Variants in KLK10 observed in about 807,000 individuals in gnomAD.
KLK10 encodes kallikrein related peptidase 10.
KLK10 carries 27 observed loss-of-function variants against 25.7 expected under a neutral mutation model. That is an observed-to-expected ratio of 1.05 (90% CI 0.77 to 1.45). The LOEUF (loss-of-function observed/expected upper bound fraction) is 1.45. KLK10 is among the 40% of genes most tolerant of loss of function. The pLI, the probability that KLK10 is intolerant of heterozygous loss-of-function variation, is 0.00. For missense variants in KLK10, 386 were observed against 370.0 expected, an observed-to-expected ratio of 1.04 and a Z score of -0.35; for synonymous variants, 173 against 160.1, an observed-to-expected ratio of 1.08 and a Z score of -0.61.
chr19:51,017,708 G>T (rs2122457268), intron 2 of KLK10, among the ~76,000 whole-genome samples: 1 of 151,982 alleles, frequency 6.6e-6, no homozygotes, highest in South Asian at 2.1e-4. Flanking sequence ...GAGGGGTGGG[G>T]CGCAGTGGTT....
chr19:51,013,089 T>C lies in KLK10; in HGVS notation c.*1711A>G, dbSNP rs2739430. 0.63 allele frequency: 95,805 copies of C among 151,978 alleles called. 31,195 individuals are homozygous for C. The highest frequency in any genetic ancestry group is 0.8 in the African/African-American group (33,068 of 41,446). 9.4% of individuals were successfully genotyped at this position (151,978 alleles called of 1,614,324 possible). A position where few individuals can be genotyped will look rare whatever the true frequency, so the allele number is the denominator to read the frequency against. ...TTCCACCGACCTCGCTTCTGGTCTT[T>C]GGATGACAAACCCAGCTGATACGCC... On this transcript the variant is annotated 3_prime_UTR_variant, in exon 6 of 6. Coordinates refer to ENST00000358789, the MANE Select transcript of KLK10 (RefSeq NM_145888.3).
intron 2 of KLK10, among the ~76,000 whole-genome samples, chr19:51,018,000 CAAAAAAAAA>C (rs1162503837): frequency 1.4e-4 from 4 of 28,134 alleles, no homozygotes; most frequent in East Asian, 2.3e-3. Context: ...GACCCTGTCT[CAAAAAAAAA>C]AAAAAAAAAA....
intron 3 of KLK10, among the ~76,000 whole-genome samples, 178 bp downstream of exon 3, chr19:51,016,932 A>G (rs541863392): frequency 6.6e-6 from 1 of 152,222 alleles, no homozygotes; most frequent in South Asian, 2.1e-4. Flanking sequence ...AATGCGGAAA[A>G]GGACCACACC....
chr19:51,016,997 G>T (rs540506215), intron 3 of KLK10, 113 bp downstream of exon 3: 51 of 1,095,908 alleles, frequency 4.7e-5, no homozygotes, highest in Non-Finnish European at 2.6e-6. Flanking sequence ...GAAGGACACC[G>T]GGGACCGCAC....
intron 3 of KLK10, among the ~76,000 whole-genome samples, chr19:51,016,562 C>CT (rs549681904): frequency 0.2 from 28,027 of 139,430 alleles, 2,840 homozygotes; most frequent in Non-Finnish European, 0.22. Context: ...CACACCCAGC[C>CT]TTTTTTTTTT....
At chr19:51,018,723 A>G (rs1009995417) in intron 2 of KLK10, 1 of 390,270 alleles carries the variant, frequency 2.6e-6, no homozygotes, top group East Asian at 5.5e-5. Flanking sequence ...AACAAACAAA[A>G]CAAAACACGG....
chr19:51,018,211 G>A (rs374145194), intron 2 of KLK10, among the ~76,000 whole-genome samples: 45 of 92,870 alleles, frequency 4.8e-4, no homozygotes, highest in South Asian at 1.1e-3. Flanking sequence ...GAGAGAGAAA[G>A]AAAAAAACAA....
rs2091288731 is a variant in KLK10, at chr19:51,013,628, T to C, written c.*1172A>G. On this transcript the variant is annotated 3_prime_UTR_variant, in exon 6 of 6. Coordinates refer to ENST00000358789, the MANE Select transcript of KLK10 (RefSeq NM_145888.3). ...TCAGTAGAGATGGGATTTCACCATT[T>C]TGGCCAGACTGGTCTCGAACACCTG... 1 of 153,650 alleles carries C rather than the reference T, an allele frequency of 6.5e-6. No homozygotes were observed. Among genetic ancestry groups the C allele is most frequent in the African/African-American group, 2.4e-5 (1 of 41,438 alleles). The allele number at this position is 153,650 out of a possible 1,614,324, so 9.5% of individuals were successfully genotyped here. A position where few individuals can be genotyped will look rare whatever the true frequency, so the allele number is the denominator to read the frequency against.
rs1365999481 is a variant in KLK10, at chr19:51,019,478, G to A, written c.-10+149C>T. ...GATCCGAGGCTCGGAGCCAGTGGGA[G>A]CCTCTTTCTCAACCTCACAGCGGGG... On this transcript the variant is annotated intron_variant, in intron 1 of 5. Transcript: ENST00000358789. This position sits in a 1 kb window ranked among gnomAD's most constrained non-coding sequence, Gnocchi z 4.2. 1.2e-4 allele frequency: 25 copies of A among 214,592 alleles called. No individual in the cohort carries two copies. The South Asian group carries it at 3.3e-3, about 28-fold the overall frequency. The allele number at this position is 214,592 out of a possible 1,614,324, so 13.3% of individuals were successfully genotyped here.
chr19:51,015,929 C>T lies in KLK10; in HGVS notation c.497G>A (p.Gly166Glu), dbSNP rs755252868. 1.5e-5 allele frequency: 24 copies of T among 1,588,248 alleles called. No individual in the cohort carries two copies. In the Admixed American group the frequency reaches 3.9e-4, roughly 26 times the overall value. The change falls in exon 4 of 6, where the codon GGA becomes GAA. Residue 166 changes from glycine to glutamate, a missense_variant. Transcript: ENST00000358789. The part of the protein sequence containing the change: ...LQLPYRCAQP[G>E]DQCQVAGWGT... ...CCAGCCAGCAACCTGGCACTGGTCT[C>T]CGGGCTGAGCACAGCGGTAGGGAAG...
chr19:51,015,459 G>T lies in KLK10; in HGVS notation c.636C>A (p.Asn212Lys), dbSNP rs752350630. 5 of 1,613,728 alleles carry T rather than the reference G, an allele frequency of 3.1e-6. No individual in the cohort carries two copies. In the South Asian group the frequency reaches 5.5e-5, roughly 18 times the overall value. ...EVFYPGVVTNNMICAGLDRGQ... is the reference protein window; with the variant it reads ...EVFYPGVVTNKMICAGLDRGQ... ...CCCGGTCCAGTCCAGCACATATCATGTTGTTGGTGACCACGCCAGGGTAGA... is the reference window on the plus strand; with the variant it reads ...CCCGGTCCAGTCCAGCACATATCATTTTGTTGGTGACCACGCCAGGGTAGA... Residue 212 changes from asparagine to lysine, a missense_variant, in exon 5 of 6, where the codon AAC becomes AAA. By Grantham distance (94) the Asn-to-Lys change is moderately conservative (BLOSUM62 0). Transcript: ENST00000358789.
At chr19:51,018,982 A>G (rs1363723858) in intron 2 of KLK10, 61 bp downstream of exon 2, 3 of 1,244,180 alleles carry the variant, frequency 2.4e-6, no homozygotes, top group Non-Finnish European at 3.4e-6. Context: ...ACGGGAACAC[A>G]TTCTCCTCCC....
At chr19:51,016,912 CGGG>C (rs961450426) in intron 3 of KLK10, among the ~76,000 whole-genome samples, 195 bp downstream of exon 3, 13 of 152,096 alleles carry the variant, frequency 8.5e-5, no homozygotes, top group Non-Finnish European at 1.9e-4. Flanking sequence ...AGAGGAGTGA[CGGG>C]CCCAGAAATG....
rs747140280 is a variant in KLK10 at position 51,019,042 on chromosome 19, C to T, written c.88+1G>A. On this transcript the variant is annotated splice_donor_variant, in intron 2 of 5. Coordinates refer to ENST00000358789, the MANE Select transcript of KLK10 (RefSeq NM_145888.3). LOFTEE classifies it high-confidence loss of function. The surrounding 1 kb of genome is among the most constrained non-coding windows in gnomAD (Gnocchi z 4.2). ...TCCCCGCCCCCTGCCCCCGACCTTA[C>T]CCCAGAGTTGCGCCATCAGCAGCGG... 5 of 1,592,084 alleles carry T rather than the reference C, an allele frequency of 3.1e-6. No individual in the cohort carries two copies. The highest frequency in any genetic ancestry group is 4.3e-6 in the Non-Finnish European group (5 of 1,170,730).
chr19:51,015,899 G>A lies in KLK10; in HGVS notation c.527C>T (p.Thr176Ile). The change falls in exon 4 of 6, where the codon ACC (threonine) becomes ATC (isoleucine). Residue 176 changes from threonine (T) to isoleucine (I), a missense_variant. Coordinates refer to ENST00000358789, the MANE Select transcript of KLK10 (RefSeq NM_145888.3). ...GCTCTTGCCTCTCCGGGCGGCCGTG[G>A]TGCCCCAGCCAGCAACCTGGCACTG... The part of the protein sequence containing the change: ...GDQCQVAGWG[T>I]TAARRVKYNK... The A allele has an allele frequency of 1.3e-6, 2 of 1,566,034 alleles. No homozygotes were observed. The highest frequency in any genetic ancestry group is 1.7e-6 in the Non-Finnish European group (2 of 1,158,404).
At chr19:51,018,167 A>G (rs1341519173) in intron 2 of KLK10, among the ~76,000 whole-genome samples, 4 of 101,322 alleles carry the variant, frequency 3.9e-5, no homozygotes, top group Non-Finnish European at 6.7e-5. Flanking sequence ...CCTGTCTCAA[A>G]AAAAAAAAAA....
intron 5 of KLK10, 104 bp from the exon 6 acceptor site, chr19:51,015,056 A>C: frequency 1.9e-6 from 2 of 1,038,430 alleles, no homozygotes; most frequent in Non-Finnish European, 2.8e-6. Flanking sequence ...GGTTGGGATA[A>C]AGACGAGGAT....
chr19:51,013,189 C>G lies in KLK10; in HGVS notation c.*1611G>C, dbSNP rs1228723957. On this transcript the variant is annotated 3_prime_UTR_variant, in exon 6 of 6. Transcript: ENST00000358789. ...CACGGAAGGGAGCTGTGTGCTCAGA[C>G]CTTGTACATCAACCTCCTGTGGGCT... 1.3e-5 allele frequency: 2 copies of G among 152,152 alleles called. No homozygotes were observed. The highest frequency in any genetic ancestry group is 2.9e-5 in the Non-Finnish European group (2 of 68,066). The allele number at this position is 152,152 out of a possible 1,614,324, so 9.4% of individuals were successfully genotyped here.
In KLK10 at chr19:51,013,059, C is replaced by T. The variant is rs981103275; in HGVS notation, c.*1741G>A. 13 of 152,130 alleles carry T rather than the reference C, an allele frequency of 8.5e-5. No homozygotes were observed. The highest frequency in any genetic ancestry group is 7.2e-4 in the Admixed American group (11 of 15,262). The allele number at this position is 152,130 out of a possible 1,614,324, so 9.4% of individuals were successfully genotyped here. A position where few individuals can be genotyped will look rare whatever the true frequency, so the allele number is the denominator to read the frequency against. On this transcript the variant is annotated 3_prime_UTR_variant, in exon 6 of 6. Coordinates refer to ENST00000358789, the MANE Select transcript of KLK10 (RefSeq NM_145888.3). ...TGCCTTTAATAATGAATCGAGTTTT[C>T]AAGTTTCCACCGACCTCGCTTCTGG...
Sources: gnomAD v4.1 joint callset for allele counts (sites outside exome capture counted in the v4.1 genomes callset) on GRCh38, gnomAD v4.1.1 for gene constraint, Gnocchi (gnomAD v3.1) non-coding constraint, MANE v1.5 for transcripts, NCBI Gene and HGNC (gene_info 2026-07-23, HGNC 2026-07-21) for gene names.